AGTPBP1: variants seen among roughly 807,000 people sequenced by gnomAD.
The protein encoded by AGTPBP1 is ATP/GTP binding carboxypeptidase 1.
A neutral mutation model predicts 143.9 loss-of-function variants in AGTPBP1; 70 were observed. The observed-to-expected ratio is 0.49, with a 90% confidence interval of 0.40 to 0.59. The LOEUF (loss-of-function observed/expected upper bound fraction) is 0.59, where lower values mean the gene tolerates loss of function less well. Ranked by LOEUF, AGTPBP1 falls within the 20% of genes least tolerant of loss-of-function variation. The probability of loss-of-function intolerance (pLI) is 0.00; values close to 1 mark genes in which losing one functional copy is unlikely to be tolerated. For missense variants in AGTPBP1, 1,229 were observed against 1,464.5 expected, an observed-to-expected ratio of 0.84 and a Z score of 2.62; for synonymous variants, 463 against 500.2, an observed-to-expected ratio of 0.93 and a Z score of 0.99.
At chr9:85,599,835 G>C (rs995944557) in intron 17 of AGTPBP1, among the ~76,000 whole-genome samples, 4 of 152,186 alleles carry the variant, frequency 2.6e-5, no homozygotes, top group African/African-American at 9.7e-5. Context: ...TGCTATAGAT[G>C]AACAGTCCAA....
chr9:85,803,651 T>C, the AGTPBP1 span, among the ~76,000 whole-genome samples: 72 of 152,346 alleles, frequency 4.7e-4, no homozygotes, highest in African/African-American at 1.7e-3. Flanking sequence ...TGTTTTCTTC[T>C]TTTATCTCAC....
At chr9:85,682,368 A>G (rs565217288) in intron 3 of AGTPBP1, among the ~76,000 whole-genome samples, 2 of 151,954 alleles carry the variant, frequency 1.3e-5, no homozygotes, top group South Asian at 2.1e-4. Flanking sequence ...CCCTCTGGGG[A>G]AAAAAAACTA....
At chr9:85,687,734 A>G (rs1835569815) in intron 3 of AGTPBP1, among the ~76,000 whole-genome samples, 1 of 152,206 alleles carries the variant, frequency 6.6e-6, no homozygotes, top group Non-Finnish European at 1.5e-5. Flanking sequence ...AGAAAAATCT[A>G]TGGCTTTGAA....
At chr9:85,697,543 C>G (rs1004979459) in intron 2 of AGTPBP1, among the ~76,000 whole-genome samples, 2 of 146,894 alleles carry the variant, frequency 1.4e-5, no homozygotes, top group Non-Finnish European at 3.0e-5. Flanking sequence ...AGCTCCGCCT[C>G]CCGGGTTCAC....
intron 1 of AGTPBP1, among the ~76,000 whole-genome samples, chr9:85,734,869 T>G (rs75406362): frequency 0.015 from 2,249 of 151,892 alleles, 24 homozygotes; most frequent in Middle Eastern, 0.037. Flanking sequence ...CCGTCTCTAC[T>G]AAAAATACAA....
upstream of AGTPBP1, among the ~76,000 whole-genome samples, chr9:85,743,256 A>G (rs1824489185): frequency 1.3e-5 from 2 of 152,222 alleles, no homozygotes; most frequent in Non-Finnish European, 2.9e-5. Context: ...AAATGAGTCA[A>G]CCTGCAATAT....
the AGTPBP1 span, among the ~76,000 whole-genome samples, chr9:85,792,962 A>G: frequency 6.6e-6 from 1 of 152,238 alleles, no homozygotes; most frequent in South Asian, 2.1e-4. Context: ...TTTTAGTTAT[A>G]TATATCTTCT....
At chr9:85,713,699 T>G (rs946991952) in intron 1 of AGTPBP1, among the ~76,000 whole-genome samples, 7 of 152,230 alleles carry the variant, frequency 4.6e-5, no homozygotes, top group African/African-American at 1.7e-4. Context: ...ATATTCTGGA[T>G]GTTTGTCTTC....
At position 85,692,668 on chromosome 9, in the gene AGTPBP1, AAAG is replaced by A; in HGVS notation, c.157+18_157+20del. ...AGAATTAAAAAAGCATTTCAAAAAC[AAAG>A]AAGAGATCAATGTTTACCTTGACTC... On this transcript the variant is annotated intron_variant, in intron 3 of 25. Coordinates refer to ENST00000357081, the MANE Select transcript of AGTPBP1 (RefSeq NM_001330701.2). The A allele has an allele frequency of 6.2e-7, 1 of 1,607,248 alleles. No homozygotes were observed. The highest frequency in any genetic ancestry group is 8.5e-7 in the Non-Finnish European group (1 of 1,178,256).
At chr9:85,647,349 G>C (rs539771104) in intron 11 of AGTPBP1, among the ~76,000 whole-genome samples, 1 of 152,298 alleles carries the variant, frequency 6.6e-6, no homozygotes, top group African/African-American at 2.4e-5. Context: ...GTGGCCCATG[G>C]GCAGCATATT....
At chr9:85,725,741 T>C (rs1838431503) in intron 1 of AGTPBP1, among the ~76,000 whole-genome samples, 1 of 151,914 alleles carries the variant, frequency 6.6e-6, no homozygotes, top group Non-Finnish European at 1.5e-5. Flanking sequence ...GAGACCCCAT[T>C]TCTGCAAAAA....
chr9:85,685,803 C>A (rs1422319909), intron 3 of AGTPBP1, among the ~76,000 whole-genome samples: 1 of 151,886 alleles, frequency 6.6e-6, no homozygotes, highest in Non-Finnish European at 1.5e-5. Flanking sequence ...GTAATGTATA[C>A]AGATGTAGAT....
the AGTPBP1 span, among the ~76,000 whole-genome samples, chr9:85,749,413 A>G: frequency 3.3e-5 from 5 of 152,220 alleles, no homozygotes; most frequent in Non-Finnish European, 7.3e-5. Flanking sequence ...ATATTGATGT[A>G]TCCTCTACTT....
rs761021255 is a variant in AGTPBP1 at position 85,741,902 on chromosome 9, C to G, written c.-161G>C. 1 of 1,341,800 alleles carries G rather than the reference C, an allele frequency of 7.5e-7. No individual in the cohort carries two copies. Among genetic ancestry groups the G allele is most frequent in the South Asian group, 1.9e-5 (1 of 53,464 alleles). The allele number at this position is 1,341,800 out of a possible 1,614,324, so 83.1% of individuals were successfully genotyped here. On this transcript the variant is annotated 5_prime_UTR_variant, in exon 1 of 26. Coordinates refer to ENST00000357081, the MANE Select transcript of AGTPBP1 (RefSeq NM_001330701.2). ...ATACAAACCCCGGTGGCAGGCGAGGCGGAGGCGGCGGCGGCGGCAGCTGCG... is the reference window on the plus strand; with the variant it reads ...ATACAAACCCCGGTGGCAGGCGAGGGGGAGGCGGCGGCGGCGGCAGCTGCG...
chr9:85,681,280 C>G lies in AGTPBP1; in HGVS notation c.213G>C (p.Leu71=), dbSNP rs1395906329. 2 of 1,612,838 alleles carry G rather than the reference C, an allele frequency of 1.2e-6. No individual in the cohort carries two copies. Among genetic ancestry groups the G allele is most frequent in the South Asian group, 1.1e-5 (1 of 90,680 alleles). The part of the protein sequence containing the change: ...AKGSTGMEIL[L]STLENTKDLQ... Reference sequence around the variant, plus strand: ...GTCACTGATTTACCTCTAATGTTGACAGCAGAATTTCCATTCCTGTAGAAC... The same window carrying G: ...GTCACTGATTTACCTCTAATGTTGAGAGCAGAATTTCCATTCCTGTAGAAC... Residue 71 remains leucine, a synonymous_variant, in exon 4 of 26, where the codon CTG becomes CTC. Coordinates refer to ENST00000357081, the MANE Select transcript of AGTPBP1 (RefSeq NM_001330701.2).
chr9:85,733,559 A>T (rs1839026870), intron 1 of AGTPBP1, among the ~76,000 whole-genome samples: 1 of 152,188 alleles, frequency 6.6e-6, no homozygotes, highest in African/African-American at 2.4e-5. Context: ...CTAAGGAACT[A>T]CAAAAAGAAG....
rs368556089 is a variant in AGTPBP1, at chr9:85,655,140, T to C, written c.1087+3A>G. ...AAAAGCAGCAGTGACCCTGTGATCC[T>C]ACCTTCAGGAGGTAAGCTGTAGAGC... On this transcript the variant is annotated splice_donor_region_variant and intron_variant, in intron 11 of 25. Coordinates refer to ENST00000357081, the MANE Select transcript of AGTPBP1 (RefSeq NM_001330701.2). 46 of 1,605,060 alleles carry C rather than the reference T, an allele frequency of 2.9e-5. No homozygotes were observed. Among genetic ancestry groups the C allele is most frequent in the Non-Finnish European group, 3.7e-5 (44 of 1,176,258 alleles).
chr9:85,653,396 G>T (rs1291224609), intron 11 of AGTPBP1, among the ~76,000 whole-genome samples: 1 of 152,186 alleles, frequency 6.6e-6, no homozygotes, highest in Non-Finnish European at 1.5e-5. Flanking sequence ...TGAGAAGCAG[G>T]CATCAAAGGA....
Position 85,686,171 on chromosome 9 carries a change from G to GT in AGTPBP1, c.158-4837dup, listed in dbSNP as rs200917714. Among the ~76,000 whole-genome samples, 1,202 of 151,152 alleles carry GT rather than the reference G, an allele frequency of 8.0e-3. 44 individuals are homozygous for GT. Among genetic ancestry groups the GT allele is most frequent in the Admixed American group, 0.062 (937 of 15,182 alleles). ...AAACACTCAGACTGTCAAACTGGATGTTTTTTTTTAAAAAGATCCAACTAT... is the reference window on the plus strand; with the variant it reads ...AAACACTCAGACTGTCAAACTGGATGTTTTTTTTTTAAAAAGATCCAACTAT... On this transcript the variant is annotated intron_variant, in intron 3 of 25. Coordinates refer to ENST00000357081, the MANE Select transcript of AGTPBP1 (RefSeq NM_001330701.2).
Sources: gnomAD v4.1 joint callset for allele counts (sites outside exome capture counted in the v4.1 genomes callset) on GRCh38, gnomAD v4.1.1 for gene constraint, MANE v1.5 for transcripts, NCBI Gene and HGNC (gene_info 2026-07-23, HGNC 2026-07-21) for gene names.